Variants in ZNF233 observed in about 807,000 individuals in gnomAD.
ZNF233 encodes the protein zinc finger protein 233.
Under a neutral mutation model 11.6 loss-of-function variants are expected in ZNF233, and 7 were observed. The ratio of observed to expected loss-of-function variants is 0.60; its 90% CI spans 0.34 to 1.13. The LOEUF is 1.13. ZNF233 is among the 50% of genes most tolerant of loss of function. The pLI is 0.03. For missense variants in ZNF233, 711 were observed against 785.5 expected, an observed-to-expected ratio of 0.91 and a Z score of 1.13; for synonymous variants, 226 against 268.5, an observed-to-expected ratio of 0.84 and a Z score of 1.55.
chr19:44,271,701 G>A (rs1403146837), intron 4 of ZNF233, among the ~76,000 whole-genome samples: 3 of 151,694 alleles, frequency 2.0e-5, no homozygotes, highest in South Asian at 2.1e-4. Flanking sequence ...TAGTAGAGAC[G>A]GGGTTTCACC....
intron 1 of ZNF233, 36 bp from the exon 2 acceptor site, chr19:44,264,278 G>A: frequency 7.1e-7 from 1 of 1,399,992 alleles, no homozygotes; most frequent in South Asian, 1.2e-5. Flanking sequence ...ATGTGGGCTA[G>A]GGCCTGTTTC....
intron 1 of ZNF233, 95 bp from the exon 2 acceptor site, chr19:44,264,219 C>T (rs1184040533): frequency 3.7e-6 from 3 of 802,968 alleles, no homozygotes; most frequent in East Asian, 5.2e-5. Flanking sequence ...GGATTACAGG[C>T]ATGAGCCACC....
At chr19:44,260,177 A>G (rs1252679034) in intron 1 of ZNF233, 1 of 242,738 alleles carries the variant, frequency 4.1e-6, no homozygotes, top group East Asian at 1.5e-4. Flanking sequence ...CACCTTCCAC[A>G]CGCTCTGCTG....
At chr19:44,260,388 A>AGAGGC (rs1420551551) in intron 1 of ZNF233, among the ~76,000 whole-genome samples, 1 of 152,112 alleles carries the variant, frequency 6.6e-6, no homozygotes, top group Non-Finnish European at 1.5e-5. Context: ...CCTGGAGAGG[A>AGAGGC]GAGGCATTCA....
intron 2 of ZNF233, among the ~76,000 whole-genome samples, chr19:44,264,705 T>C (rs1204483945): frequency 2.0e-5 from 3 of 152,234 alleles, no homozygotes; most frequent in Non-Finnish European, 4.4e-5. Flanking sequence ...GTATGTCTTA[T>C]ATCTATACTT....
At chr19:44,268,869 C>G (rs1470001308) in intron 4 of ZNF233, among the ~76,000 whole-genome samples, 1 of 152,152 alleles carries the variant, frequency 6.6e-6, no homozygotes, top group Non-Finnish European at 1.5e-5. Flanking sequence ...ACCTAAAATA[C>G]ACTAATTAAA....
chr19:44,266,309 A>G lies in ZNF233; in HGVS notation c.127A>G (p.Asn43Asp), dbSNP rs1457739612. The G allele has an allele frequency of 1.2e-6, 2 of 1,607,136 alleles. No homozygotes were observed. The highest frequency in any genetic ancestry group is 1.7e-4 in the Middle Eastern group (1 of 6,024). Residue 43 changes from asparagine to aspartate, a missense_variant, in exon 3 of 5, where the codon AAC (asparagine) becomes GAC (aspartate). Coordinates refer to ENST00000683810, the MANE Select transcript of ZNF233 (RefSeq NM_001207005.2). ...AGATGTGATGCTGGAGAACTTCAGG[A>G]ACCTGCTGTCAGTGGGTGAGCACAG... is the stretch of plus-strand genomic sequence containing the variant. ...YQDVMLENFR[N>D]LLSVGYQPFK...
intron 4 of ZNF233, 103 bp downstream of exon 4, chr19:44,267,064 G>C: frequency 1.3e-6 from 1 of 784,992 alleles, no homozygotes; most frequent in East Asian, 2.6e-5. Context: ...AGAATTCATC[G>C]CCCTGGTTTA....
rs2123067602 is a variant in ZNF233 at position 44,273,051 on chromosome 19, T to A, written c.391T>A (p.Ser131Thr). Residue 131 changes from serine to threonine, a missense_variant, in exon 5 of 5, where the codon TCC (serine) becomes ACC (threonine). By Grantham distance (58) the Ser-to-Thr change is moderately conservative (BLOSUM62 1). Coordinates refer to ENST00000683810, the MANE Select transcript of ZNF233 (RefSeq NM_001207005.2). ...AATAATAAATCTTCAAGGCAAGAGG[T>A]CCAAGTTGCTAAAACAAGGTGATTC... ...DLIINLQGKR[S>T]KLLKQGDSPC... is the part of the protein sequence containing the mutation. 3 of 1,614,032 alleles carry A rather than the reference T, an allele frequency of 1.9e-6. No individual in the cohort carries two copies. The East Asian group carries it at 6.7e-5, about 36-fold the overall frequency.
rs1194799946 is a variant in ZNF233, at chr19:44,274,027, T to C, written c.1367T>C (p.Val456Ala). Residue 456 changes from valine to alanine, a missense_variant, in exon 5 of 5, where the codon GTA becomes GCA. Physicochemically the swap from Val to Ala is moderately conservative, Grantham distance 64. Transcript: ENST00000683810. The part of the protein sequence containing the change: ...HTGEKPYKCE[V>A]CDKGFSKASN... ...GGAGAGAAACCATATAAATGTGAGG[T>C]ATGTGATAAGGGCTTCAGTAAGGCC... The C allele has an allele frequency of 6.3e-7, 1 of 1,597,486 alleles. No homozygotes were observed. Among genetic ancestry groups the C allele is most frequent in the African/African-American group, 1.6e-5 (1 of 61,056 alleles).
intron 4 of ZNF233, among the ~76,000 whole-genome samples, chr19:44,269,436 T>C (rs970346893): frequency 2.2e-4 from 34 of 151,860 alleles, no homozygotes; most frequent in Admixed American, 2.0e-3. Flanking sequence ...GCAGGGACTA[T>C]AGGCGCATGC....
In ZNF233 at chr19:44,265,939, G is replaced by A. The variant is rs184501447; in HGVS notation, c.16-259G>A. Among the ~76,000 whole-genome samples, 4 of 152,268 alleles carry A rather than the reference G, an allele frequency of 2.6e-5. No individual in the cohort carries two copies. In the East Asian group the frequency reaches 7.7e-4, roughly 29 times the overall value. ...GATTTACAGTGCTGGGGCATTTACTGTTGGAATACTTACAAATGTCACCAA... is the reference window on the plus strand; with the variant it reads ...GATTTACAGTGCTGGGGCATTTACTATTGGAATACTTACAAATGTCACCAA... On this transcript the variant is annotated intron_variant, in intron 2 of 4. Coordinates refer to ENST00000683810, the MANE Select transcript of ZNF233 (RefSeq NM_001207005.2).
chr19:44,273,608 T>C lies in ZNF233; in HGVS notation c.948T>C (p.Asn316=), dbSNP rs748058037. ...CFHIGEKCYR[N]GDSGEGFSQG... ...ACATAGGAGAGAAATGCTATAGGAA[T>C]GGTGACAGTGGTGAGGGCTTCAGTC... Residue 316 remains asparagine, a synonymous_variant, in exon 5 of 5, where the codon AAT becomes AAC. Transcript: ENST00000683810. 2 of 1,614,184 alleles carry C rather than the reference T, an allele frequency of 1.2e-6. No individual in the cohort carries two copies. Among genetic ancestry groups the C allele is most frequent in the Non-Finnish European group, 1.7e-6 (2 of 1,180,028 alleles).
At chr19:44,266,757 T>C (rs190089836) in intron 3 of ZNF233, 109 bp from the exon 4 acceptor site, 231 of 714,600 alleles carry the variant, frequency 3.2e-4, no homozygotes, top group Non-Finnish European at 4.4e-5. Context: ...TAGCTCATGA[T>C]CACAATTTTG....
At chr19:44,266,705 G>A (rs906069758) in intron 3 of ZNF233, among the ~76,000 whole-genome samples, 161 bp from the exon 4 acceptor site, 1 of 152,144 alleles carries the variant, frequency 6.6e-6, no homozygotes, top group African/African-American at 2.4e-5. Flanking sequence ...TTACATTTAT[G>A]TATTTGTGTA....
At position 44,273,080 on chromosome 19, in the gene ZNF233, CT is replaced by C; in HGVS notation, c.421del (p.Cys141ValfsTer18). On this transcript the variant is annotated frameshift_variant, in exon 5 of 5. Coordinates refer to ENST00000683810, the MANE Select transcript of ZNF233 (RefSeq NM_001207005.2). LOFTEE classifies it low-confidence loss of function (END_TRUNC). ...AGTTGCTAAAACAAGGTGATTCCCC[CT>C]GTCAGGTGTGGACAGGAGAATCTAG... ...SKLLKQGDSP[C>X]QVWTGESSQV... 1 of 1,614,094 alleles carries C rather than the reference CT, an allele frequency of 6.2e-7. No individual in the cohort carries two copies. The highest frequency in any genetic ancestry group is 8.5e-7 in the Non-Finnish European group (1 of 1,180,010).
rs973682921 is a variant in ZNF233 at position 44,273,539 on chromosome 19, G to A, written c.879G>A (p.Lys293=). The A allele has an allele frequency of 1.2e-6, 2 of 1,614,188 alleles. No homozygotes were observed. Among genetic ancestry groups the A allele is most frequent in the Non-Finnish European group, 1.7e-6 (2 of 1,180,036 alleles). ...CTCATGTAAATGTTGAGTACGGGAA[G>A]GGCATAGGTTACAGCTCAGGGCTTC... ...DKPHVNVEYG[K]GIGYSSGLPR... is the part of the protein sequence containing the mutation. The change falls in exon 5 of 5, where the codon AAG becomes AAA. Residue 293 remains lysine (K), a synonymous_variant. Coordinates refer to ENST00000683810, the MANE Select transcript of ZNF233 (RefSeq NM_001207005.2).
chr19:44,266,338 C>T lies in ZNF233; in HGVS notation c.142+14C>T, dbSNP rs764632209. Reference sequence around the variant, plus strand: ...TGCTGTCAGTGGGTGAGCACAGGCACCTTCTGTAACTGAATATCAGCCCTC... The same window carrying T: ...TGCTGTCAGTGGGTGAGCACAGGCATCTTCTGTAACTGAATATCAGCCCTC... On this transcript the variant is annotated intron_variant, in intron 3 of 4. Transcript: ENST00000683810. 1.3e-5 allele frequency: 20 copies of T among 1,580,806 alleles called. No individual in the cohort carries two copies. In the South Asian group the frequency reaches 2.1e-4, roughly 17 times the overall value.
chr19:44,268,599 G>A (rs1975156079), intron 4 of ZNF233, among the ~76,000 whole-genome samples: 1 of 152,154 alleles, frequency 6.6e-6, no homozygotes, highest in Non-Finnish European at 1.5e-5. Flanking sequence ...TGGGTTAATG[G>A]ACCGATGTCA....
Sources: gnomAD v4.1 joint callset for allele counts (sites outside exome capture counted in the v4.1 genomes callset) on GRCh38, gnomAD v4.1.1 for gene constraint, MANE v1.5 for transcripts, NCBI Gene and HGNC (gene_info 2026-07-23, HGNC 2026-07-21) for gene names.